Variants in BMP6 observed in about 807,000 individuals in gnomAD.
BMP6 encodes the protein bone morphogenetic protein 6.
In BMP6, 17 loss-of-function variants were observed where a neutral mutation model predicts 54.1. The ratio of observed to expected loss-of-function variants is 0.31; its 90% CI spans 0.22 to 0.47. The LOEUF is 0.47. Ranked by LOEUF, BMP6 falls within the 20% of genes least tolerant of loss-of-function variation. The pLI is 1.00. For synonymous variants in BMP6, 328 were observed against 291.2 expected (o/e 1.13, Z -1.28); for missense variants, 720 against 690.4 (o/e 1.04, Z -0.48).
chr6:7,774,487 G>C (rs1757834725), intron 1 of BMP6, among the ~76,000 whole-genome samples: 1 of 152,250 alleles, frequency 6.6e-6, no homozygotes, highest in Admixed American at 6.5e-5. Flanking sequence ...GGGAGGCAGA[G>C]GTTGCAGTGA....
intron 4 of BMP6, among the ~76,000 whole-genome samples, chr6:7,869,071 A>AC (rs879461089): frequency 1.1e-4 from 16 of 151,426 alleles, no homozygotes; most frequent in Non-Finnish European, 1.9e-4. Flanking sequence ...ACTCAGGCGC[A>AC]CCCCCCCTGG....
In BMP6 at chr6:7,727,198, G is replaced by A. The variant is rs1761744062; in HGVS notation, c.243G>A (p.Lys81=). The stretch of plus-strand genomic sequence containing the variant: ...CGCAGGAGAAGCGGGAGATGCAGAA[G>A]GAGATCTTGTCGGTGCTGGGGCTCC... The part of the protein sequence containing the change: ...LKTQEKREMQ[K]EILSVLGLPH... Residue 81 remains lysine (K), a synonymous_variant, in exon 1 of 7, where the codon AAG becomes AAA. Transcript: ENST00000283147. 6 of 1,604,678 alleles carry A rather than the reference G, an allele frequency of 3.7e-6. No homozygotes were observed. Among genetic ancestry groups the A allele is most frequent in the Non-Finnish European group, 3.4e-6 (4 of 1,176,458 alleles).
chr6:7,766,341 GGTGGCTTACACCT>G (rs1413483297), intron 1 of BMP6, among the ~76,000 whole-genome samples: 1 of 152,194 alleles, frequency 6.6e-6, no homozygotes, highest in African/African-American at 2.4e-5. Context: ...GGCTGGGTGT[GGTGGCTTACACCT>G]GTAGTCCCAA....
intron 4 of BMP6, among the ~76,000 whole-genome samples, chr6:7,870,439 C>A (rs552509872): frequency 6.6e-6 from 1 of 152,306 alleles, no homozygotes; most frequent in East Asian, 1.9e-4. Flanking sequence ...GTATTGGAAA[C>A]ATAAAGGCTT....
At chr6:7,748,306 A>G (rs1757374468) in intron 1 of BMP6, among the ~76,000 whole-genome samples, 1 of 152,188 alleles carries the variant, frequency 6.6e-6, no homozygotes, top group Non-Finnish European at 1.5e-5. Context: ...GGTACCTCTT[A>G]AGTACTCAGT....
At chr6:7,772,788 ATCT>A (rs1561767286) in intron 1 of BMP6, among the ~76,000 whole-genome samples, 3 of 152,110 alleles carry the variant, frequency 2.0e-5, no homozygotes, top group African/African-American at 7.2e-5. Flanking sequence ...GGACCCTTCT[ATCT>A]AAGGTCCCAT....
intron 4 of BMP6, among the ~76,000 whole-genome samples, chr6:7,871,187 G>T (rs1759518584): frequency 6.6e-6 from 1 of 152,200 alleles, no homozygotes; most frequent in African/African-American, 2.4e-5. Context: ...TGCTAGAAAA[G>T]AAAAATCTCC....
intron 1 of BMP6, among the ~76,000 whole-genome samples, chr6:7,800,745 T>C (rs922092242): frequency 2.0e-5 from 3 of 152,212 alleles, no homozygotes; most frequent in East Asian, 1.9e-4. Context: ...GAAGTATTTA[T>C]TGGACTTTGT....
intron 2 of BMP6, among the ~76,000 whole-genome samples, chr6:7,853,612 CA>C (rs1412418310): frequency 6.6e-6 from 1 of 152,158 alleles, no homozygotes; most frequent in Non-Finnish European, 1.5e-5. Flanking sequence ...ATAGTTTGGG[CA>C]GAAGAAAACC....
intron 1 of BMP6, among the ~76,000 whole-genome samples, chr6:7,770,573 G>A (rs1757767455): frequency 6.6e-6 from 1 of 152,194 alleles, no homozygotes; most frequent in African/African-American, 2.4e-5. Context: ...TGTACTTGGA[G>A]TCATTACTGT....
intron 1 of BMP6, among the ~76,000 whole-genome samples, chr6:7,822,016 C>T (rs1448452660): frequency 6.6e-6 from 1 of 151,662 alleles, no homozygotes; most frequent in Non-Finnish European, 1.5e-5. Context: ...CCATGGACTG[C>T]AGGAGGGACT....
chr6:7,833,288 AT>A (rs1758818748), intron 1 of BMP6, among the ~76,000 whole-genome samples: 1 of 152,216 alleles, frequency 6.6e-6, no homozygotes, highest in East Asian at 1.9e-4. Context: ...TTACATTTTA[AT>A]TTATTTAAAT....
At chr6:7,858,750 A>G (rs1759287321) in intron 2 of BMP6, among the ~76,000 whole-genome samples, 1 of 150,650 alleles carries the variant, frequency 6.6e-6, no homozygotes, top group Non-Finnish European at 1.5e-5. Context: ...ACTTGGCCCA[A>G]TCATCTTAAG....
intron 1 of BMP6, among the ~76,000 whole-genome samples, chr6:7,820,532 C>T (rs573574936): frequency 3.3e-5 from 5 of 152,330 alleles, no homozygotes; most frequent in African/African-American, 1.2e-4. Context: ...TTCTAGCGCT[C>T]CAGTTGCCTT....
rs1761739593 is a variant in BMP6 at position 7,727,057 on chromosome 6, C to T, written c.102C>T (p.Ala34=). ...PPPLRPPLPA[A]AAAAAGGQLL... ...CGCTGCGGCCGCCCTTGCCCGCTGC[C>T]GCGGCCGCCGCCGCCGGGGGGCAGC... is the stretch of plus-strand genomic sequence containing the variant. The change falls in exon 1 of 7, where the codon GCC becomes GCT. Residue 34 remains alanine (A), a synonymous_variant. Transcript: ENST00000283147. 2 of 1,192,532 alleles carry T rather than the reference C, an allele frequency of 1.7e-6. No homozygotes were observed. Among genetic ancestry groups the T allele is most frequent in the African/African-American group, 1.6e-5 (1 of 61,976 alleles). The allele number at this position is 1,192,532 out of a possible 1,614,324, so 73.9% of individuals were successfully genotyped here. A position where few individuals can be genotyped will look rare whatever the true frequency, so the allele number is the denominator to read the frequency against.
At chr6:7,813,886 G>A (rs940004368) in intron 1 of BMP6, among the ~76,000 whole-genome samples, 4 of 152,114 alleles carry the variant, frequency 2.6e-5, no homozygotes, top group Non-Finnish European at 4.4e-5. Context: ...CGGAGGGAAA[G>A]CCCAGCTGTT....
At chr6:7,808,055 G>A (rs1178715180) in intron 1 of BMP6, among the ~76,000 whole-genome samples, 1 of 151,486 alleles carries the variant, frequency 6.6e-6, no homozygotes, top group Non-Finnish European at 1.5e-5. Flanking sequence ...CAAGTAGCTG[G>A]GACTACAGGC....
At chr6:7,859,297 C>T (rs1759298133) in intron 2 of BMP6, among the ~76,000 whole-genome samples, 1 of 147,618 alleles carries the variant, frequency 6.8e-6, no homozygotes, top group Non-Finnish European at 1.5e-5. Flanking sequence ...CTCATTCTGC[C>T]AGCTGTGCTA....
chr6:7,813,143 A>ATATATATATATATG lies in BMP6; in HGVS notation c.665-31991_665-31990insTATATATGTATATA, dbSNP rs1354797803. Among the ~76,000 whole-genome samples the ATATATATATATATG allele has an allele frequency of 2.8e-5, 3 of 105,710 alleles. No individual in the cohort carries two copies. The Admixed American group carries it at 3.3e-4, about 12-fold the overall frequency. 69.3% of individuals were successfully genotyped at this position (105,710 alleles called of 152,430 possible). ...TATATATATATATATATATATATAT[A>ATATATATATATATG]TATATAAAATTAGTGGGCATGGTAG... On this transcript the variant is annotated intron_variant, in intron 1 of 6. Transcript: ENST00000283147.
Sources: allele counts gnomAD v4.1 joint callset (sites outside exome capture counted in the v4.1 genomes callset), GRCh38; gene constraint gnomAD v4.1.1; transcripts MANE v1.5; gene names NCBI Gene and HGNC (gene_info 2026-07-23, HGNC 2026-07-21).